The following SEMA3C variants were observed in gnomAD, a reference collection of about 807,000 sequenced individuals.
The protein encoded by SEMA3C is semaphorin 3C, also known as semaphorin-3C.
Under a neutral mutation model 89.4 loss-of-function variants are expected in SEMA3C, and 47 were observed. The observed-to-expected ratio is 0.53, with a 90% CI of 0.42 to 0.67. The LOEUF is 0.67. Ranked by LOEUF, SEMA3C falls within the 30% of genes least tolerant of loss-of-function variation. The pLI is 0.00. For synonymous variants in SEMA3C, 310 were observed against 320.2 expected, an observed-to-expected ratio of 0.97 and a Z score of 0.34; for missense variants, 839 against 929.1, an observed-to-expected ratio of 0.90 and a Z score of 1.26.
In SEMA3C at chr7:80,809,484, T is replaced by A. The variant is rs115265533; in HGVS notation, c.538+1127A>T. 2.0e-3 allele frequency among the ~76,000 whole-genome samples: 305 copies of A among 152,324 alleles called. 2 individuals carry two copies. Among genetic ancestry groups the A allele is most frequent in the African/African-American group, 7.1e-3 (294 of 41,578 alleles). On this transcript the variant is annotated intron_variant, in intron 6 of 17. Coordinates refer to ENST00000265361, the MANE Select transcript of SEMA3C (RefSeq NM_006379.5). The stretch of plus-strand genomic sequence containing the variant: ...CATATGGTGATTCTACTTTTAGTTT[T>A]TGGGGGAATGTTCATACCATTTCCC...
chr7:80,802,536 A>G (rs966059460), intron 9 of SEMA3C, 129 bp downstream of exon 9: 7 of 581,138 alleles, frequency 1.2e-5, no homozygotes, highest in Admixed American at 3.0e-5. Flanking sequence ...TATCTAGATA[A>G]TTATTTTAAA....
chr7:80,828,131 T>C (rs1789920698), intron 3 of SEMA3C, among the ~76,000 whole-genome samples: 1 of 152,138 alleles, frequency 6.6e-6, no homozygotes, highest in African/African-American at 2.4e-5. Flanking sequence ...TCTACATGTA[T>C]TTTTTTCACT....
At chr7:80,865,719 C>T (rs757022108) in intron 2 of SEMA3C, among the ~76,000 whole-genome samples, 4 of 151,838 alleles carry the variant, frequency 2.6e-5, no homozygotes, top group Non-Finnish European at 5.9e-5. Flanking sequence ...CACTTGAACC[C>T]GGGAGGGGGG....
chr7:80,750,473 T>TATACAC (rs869227686), intron 16 of SEMA3C, among the ~76,000 whole-genome samples: 86 of 55,390 alleles, frequency 1.6e-3, no homozygotes, highest in African/African-American at 4.4e-3. Flanking sequence ...TATATATATA[T>TATACAC]ACACACACAC....
intron 2 of SEMA3C, among the ~76,000 whole-genome samples, chr7:80,864,871 T>C (rs1178170399): frequency 6.6e-6 from 1 of 152,204 alleles, no homozygotes; most frequent in Non-Finnish European, 1.5e-5. Context: ...CTCTTTGCCT[T>C]GTCTGCCTTC....
rs185643892 is a variant in SEMA3C at position 80,781,547 on chromosome 7, G to A, written c.1354+7759C>T. Among the ~76,000 whole-genome samples the A allele has an allele frequency of 3.9e-3, 586 of 152,192 alleles. 2 individuals carry two copies. Among genetic ancestry groups the A allele is most frequent in the African/African-American group, 0.011 (444 of 41,534 alleles). On this transcript the variant is annotated intron_variant, in intron 12 of 17. Coordinates refer to ENST00000265361, the MANE Select transcript of SEMA3C (RefSeq NM_006379.5). ...TAAAAGCCAGCTTTCTGCAAAAACCGCCACCACAACTGGCAGCTATAGCCT... is the reference window on the plus strand; with the variant it reads ...TAAAAGCCAGCTTTCTGCAAAAACCACCACCACAACTGGCAGCTATAGCCT...
At chr7:80,787,058 A>C (rs1365070067) in intron 12 of SEMA3C, among the ~76,000 whole-genome samples, 1 of 152,168 alleles carries the variant, frequency 6.6e-6, no homozygotes, top group Non-Finnish European at 1.5e-5. Flanking sequence ...GGATAATTAA[A>C]GCCAAGTGAA....
chr7:80,845,977 A>G (rs1276904424), intron 2 of SEMA3C, among the ~76,000 whole-genome samples: 1 of 152,204 alleles, frequency 6.6e-6, no homozygotes, highest in Admixed American at 6.5e-5. Flanking sequence ...CTACTTTAAG[A>G]AAGTAGCAAA....
At chr7:80,835,953 G>C (rs1288426964) in intron 2 of SEMA3C, among the ~76,000 whole-genome samples, 1 of 152,198 alleles carries the variant, frequency 6.6e-6, no homozygotes, top group Non-Finnish European at 1.5e-5. Flanking sequence ...CTTAATCTGT[G>C]AACTCAATCA....
chr7:80,789,948 A>C (rs543127920), intron 11 of SEMA3C, among the ~76,000 whole-genome samples: 1 of 152,140 alleles, frequency 6.6e-6, no homozygotes, highest in East Asian at 1.9e-4. Flanking sequence ...CTGACATGTA[A>C]AAGTTTTATT....
chr7:80,842,687 A>G (rs1241787927), intron 2 of SEMA3C, among the ~76,000 whole-genome samples: 1 of 152,094 alleles, frequency 6.6e-6, no homozygotes, highest in African/African-American at 2.4e-5. Context: ...AAAAAGCAAC[A>G]CATTTTACTA....
upstream of SEMA3C, chr7:80,919,266 C>T: frequency 1.0e-6 from 1 of 985,270 alleles, no homozygotes; most frequent in Non-Finnish European, 1.2e-6. Context: ...CGGGGCCGAC[C>T]CTTAGAGCTC....
At chr7:80,834,933 A>G (rs1430877200) in intron 2 of SEMA3C, among the ~76,000 whole-genome samples, 1 of 152,122 alleles carries the variant, frequency 6.6e-6, no homozygotes, top group Non-Finnish European at 1.5e-5. Context: ...TTACTGTAGT[A>G]TTGTTATTTT....
Position 80,744,758 on chromosome 7 carries a change from C to A in SEMA3C, c.*136G>T, listed in dbSNP as rs113846518. On this transcript the variant is annotated 3_prime_UTR_variant, in exon 18 of 18. Coordinates refer to ENST00000265361, the MANE Select transcript of SEMA3C (RefSeq NM_006379.5). ...AAGAAAATGCATGCTCATTTCAGTT[C>A]GTGTAAAACTCACTTCAGGAGTAAT... is the stretch of plus-strand genomic sequence containing the variant. 2.2e-6 allele frequency: 2 copies of A among 894,876 alleles called. No homozygotes were observed. The highest frequency in any genetic ancestry group is 3.5e-6 in the Non-Finnish European group (2 of 567,638). The allele number at this position is 894,876 out of a possible 1,614,324, so 55.4% of individuals were successfully genotyped here.
At chr7:80,833,110 C>T (rs563387449) in intron 2 of SEMA3C, among the ~76,000 whole-genome samples, 32 of 152,186 alleles carry the variant, frequency 2.1e-4, no homozygotes, top group Admixed American at 3.9e-4. Context: ...CAAACAATTG[C>T]AGTTCTCCTC....
At chr7:80,915,146 T>C (rs868191887) in intron 2 of SEMA3C, among the ~76,000 whole-genome samples, 13 of 152,148 alleles carry the variant, frequency 8.5e-5, no homozygotes, top group African/African-American at 3.1e-4. Context: ...TAATGCCCTT[T>C]CTCTTTTATT....
rs183556334 is a variant in SEMA3C at position 80,891,169 on chromosome 7, A to C, written c.103+25510T>G. On this transcript the variant is annotated intron_variant, in intron 2 of 17. Coordinates refer to ENST00000265361, the MANE Select transcript of SEMA3C (RefSeq NM_006379.5). ...TGGTTTCCGTATAAATTTCAGACAC[A>C]CTCAGCATTTTGTGATATTTGGTTA... is the stretch of plus-strand genomic sequence containing the variant. 2.6e-3 allele frequency among the ~76,000 whole-genome samples: 395 copies of C among 152,210 alleles called. 2 individuals are homozygous for C. Among genetic ancestry groups the C allele is most frequent in the African/African-American group, 8.9e-3 (371 of 41,530 alleles).
intron 5 of SEMA3C, among the ~76,000 whole-genome samples, chr7:80,811,136 T>C (rs1385917537): frequency 1.3e-5 from 2 of 152,166 alleles, no homozygotes; most frequent in Non-Finnish European, 2.9e-5. Context: ...CTGTTTAATT[T>C]TATCATATAA....
At chr7:80,835,875 A>C (rs1790113937) in intron 2 of SEMA3C, among the ~76,000 whole-genome samples, 1 of 152,210 alleles carries the variant, frequency 6.6e-6, no homozygotes, top group Admixed American at 6.5e-5. Flanking sequence ...AAATTTGAGC[A>C]ATCTACCCAA....
Sources: gnomAD v4.1 joint callset for allele counts (sites outside exome capture counted in the v4.1 genomes callset) on GRCh38, gnomAD v4.1.1 for gene constraint, MANE v1.5 for transcripts, NCBI Gene and HGNC (gene_info 2026-07-23, HGNC 2026-07-21) for gene names.